VIT: variants seen among roughly 807,000 people sequenced by gnomAD.
VIT encodes vitrin.
In VIT, 99 loss-of-function variants were observed where a neutral mutation model predicts 78.0. That is an observed-to-expected ratio of 1.27 (90% confidence interval 1.08 to 1.50). VIT has a LOEUF of 1.50. Ranked by LOEUF, VIT falls within the 40% of genes most tolerant of loss-of-function variation. The pLI is 0.00. For missense variants in VIT, 1,126 were observed against 875.3 expected (o/e 1.29, Z -3.61); for synonymous variants, 374 against 334.3 (o/e 1.12, Z -1.29).
chr2:36,730,589 C>T lies in VIT; in HGVS notation c.118+1098C>T, dbSNP rs542831374. On this transcript the variant is annotated intron_variant, in intron 3 of 15. Transcript: ENST00000379242. ...CATTTTGCAAGCCAGGGAACCCCAG[C>T]CGGTGGTGCCTCACCTGGGCCTTGC... Among the ~76,000 whole-genome samples the T allele has an allele frequency of 7.9e-5, 12 of 152,364 alleles. No homozygotes were observed. In the East Asian group the frequency reaches 1.9e-3, roughly 24 times the overall value.
At chr2:36,779,545 T>A (rs1415278279) in intron 9 of VIT, among the ~76,000 whole-genome samples, 1 of 152,104 alleles carries the variant, frequency 6.6e-6, no homozygotes, top group East Asian at 1.9e-4. Flanking sequence ...CCATGGTGGT[T>A]TTCTATACAG....
rs895416628 is a variant in VIT, at chr2:36,774,891, C to T, written c.737-111C>T. On this transcript the variant is annotated intron_variant, in intron 8 of 15. Transcript: ENST00000379242. ...TACAACCAGGCACAGAGAGCTCGGC[C>T]GACTTCCAAGGAAAATCTGAACTAA... is the stretch of plus-strand genomic sequence containing the variant. 84 of 1,528,522 alleles carry T rather than the reference C, an allele frequency of 5.5e-5. No individual in the cohort carries two copies. The Middle Eastern group carries it at 8.8e-4, about 16-fold the overall frequency. 94.7% of individuals were successfully genotyped at this position (1,528,522 alleles called of 1,614,324 possible).
intron 7 of VIT, among the ~76,000 whole-genome samples, chr2:36,772,982 G>A (rs960779173): frequency 2.6e-5 from 4 of 152,188 alleles, no homozygotes; most frequent in Non-Finnish European, 4.4e-5. Context: ...TTGCTTTAGA[G>A]AAATTGCTCA....
chr2:36,780,548 G>A (rs1430005388), intron 9 of VIT, among the ~76,000 whole-genome samples: 3 of 152,108 alleles, frequency 2.0e-5, no homozygotes, highest in Non-Finnish European at 4.4e-5. Context: ...AGAAATTAAG[G>A]CTCACAAAGG....
intron 1 of VIT, among the ~76,000 whole-genome samples, chr2:36,697,615 G>A (rs1664760242): frequency 6.6e-6 from 1 of 152,200 alleles, no homozygotes; most frequent in Non-Finnish European, 1.5e-5. Context: ...TTCACAGGAA[G>A]ACAGGATATG....
intron 12 of VIT, among the ~76,000 whole-genome samples, chr2:36,789,298 TA>T (rs1665321703): frequency 6.6e-6 from 1 of 152,184 alleles, no homozygotes; most frequent in Non-Finnish European, 1.5e-5. Flanking sequence ...AGGGTCAGAC[TA>T]GATGATTTAT....
rs1243885174 is a variant in VIT at position 36,743,108 on chromosome 2, CA to C, written c.128del (p.Gln43ArgfsTer18). ...KIKRPKFTVP[Q>X]INCDVKAGKI... ...TCATTTTGTATTCCCAGCTGTGCCT[CA>C]GATCAACTGCGATGTCAAAGCCGGA... On this transcript the variant is annotated frameshift_variant, in exon 4 of 16. Coordinates refer to ENST00000379242, the MANE Select transcript of VIT (RefSeq NM_053276.4). LOFTEE classifies it high-confidence loss of function. The C allele has an allele frequency of 1.2e-6, 2 of 1,613,882 alleles. No homozygotes were observed. The highest frequency in any genetic ancestry group is 4.5e-5 in the East Asian group (2 of 44,890).
intron 5 of VIT, among the ~76,000 whole-genome samples, chr2:36,757,728 A>G (rs1211351514): frequency 1.3e-5 from 2 of 152,234 alleles, no homozygotes; most frequent in Non-Finnish European, 2.9e-5. Flanking sequence ...TTGCATCTCT[A>G]TGGAGATACA....
At chr2:36,787,324 G>A in intron 12 of VIT, 48 bp downstream of exon 12, 2 of 1,578,914 alleles carry the variant, frequency 1.3e-6, no homozygotes, top group Non-Finnish European at 1.7e-6. Context: ...CATGCCATGT[G>A]CTTAATTTTA....
chr2:36,809,327 C>G (rs1162778035), intron 15 of VIT, among the ~76,000 whole-genome samples: 1 of 152,206 alleles, frequency 6.6e-6, no homozygotes, highest in Admixed American at 6.5e-5. Context: ...CATCACTTTA[C>G]CTCTATTAAA....
chr2:36,771,817 G>A (rs1156261655), intron 7 of VIT, among the ~76,000 whole-genome samples: 2 of 152,140 alleles, frequency 1.3e-5, no homozygotes, highest in East Asian at 1.9e-4. Context: ...TTACTATACA[G>A]GTAGTAAAAT....
intron 1 of VIT, among the ~76,000 whole-genome samples, chr2:36,704,273 G>A (rs1021973998): frequency 6.6e-6 from 1 of 152,146 alleles, no homozygotes; most frequent in Admixed American, 6.5e-5. Context: ...TTCCTGCTCT[G>A]ATGAATGGGT....
intron 11 of VIT, among the ~76,000 whole-genome samples, chr2:36,786,848 C>G (rs1665130268): frequency 6.6e-6 from 1 of 152,230 alleles, no homozygotes; most frequent in African/African-American, 2.4e-5. Context: ...ACAGCCTTCC[C>G]TAGCTTGGCT....
intron 13 of VIT, among the ~76,000 whole-genome samples, chr2:36,804,207 G>C (rs1293467802): frequency 2.6e-5 from 4 of 152,204 alleles, no homozygotes; most frequent in Non-Finnish European, 5.9e-5. Context: ...GCTAGGCCCA[G>C]AGATGTAGGG....
intron 4 of VIT, among the ~76,000 whole-genome samples, chr2:36,745,111 A>G (rs1668058932): frequency 6.6e-6 from 1 of 152,212 alleles, no homozygotes; most frequent in Admixed American, 6.5e-5. Flanking sequence ...AACTTTGTGG[A>G]CAATCAGATA....
At chr2:36,761,330 T>C (rs537776776) in intron 6 of VIT, among the ~76,000 whole-genome samples, 1 of 152,262 alleles carries the variant, frequency 6.6e-6, no homozygotes, top group African/African-American at 2.4e-5. Context: ...CCTCCTGTTT[T>C]TCGGGTCCTT....
intron 5 of VIT, among the ~76,000 whole-genome samples, chr2:36,756,671 G>A (rs192565130): frequency 1.1e-4 from 16 of 152,286 alleles, no homozygotes; most frequent in South Asian, 4.2e-4. Flanking sequence ...GTCAGATAGC[G>A]GAAGGGTATC....
In VIT at chr2:36,718,898, C is replaced by G. The variant is rs552839830; in HGVS notation, c.52+2476C>G. ...ACAAGGTCCTTCATTTCTACCTTGC[C>G]CCTTTGGGAGGCTACCTCTCTTTTC... On this transcript the variant is annotated intron_variant, in intron 2 of 15. Coordinates refer to ENST00000379242, the MANE Select transcript of VIT (RefSeq NM_053276.4). Among the ~76,000 whole-genome samples, 21 of 152,310 alleles carry G rather than the reference C, an allele frequency of 1.4e-4. 2 individuals carry two copies. In the South Asian group the frequency reaches 3.9e-3, roughly 29 times the overall value.
chr2:36,790,508 C>T (rs1380139631), intron 12 of VIT, among the ~76,000 whole-genome samples: 74 of 152,312 alleles, frequency 4.9e-4, no homozygotes, highest in Non-Finnish European at 8.8e-5. Context: ...GGACCCATAA[C>T]TCACAATCAC....
Sources: gnomAD v4.1 joint callset for allele counts (sites outside exome capture counted in the v4.1 genomes callset) on GRCh38, gnomAD v4.1.1 for gene constraint, MANE v1.5 for transcripts, NCBI Gene and HGNC (gene_info 2026-07-23, HGNC 2026-07-21) for gene names.